Variants in SLC25A3 observed in about 807,000 individuals in gnomAD.
SLC25A3 encodes the protein solute carrier family 25 member 3.
A neutral mutation model predicts 37.1 loss-of-function variants in SLC25A3; 14 were observed. The ratio of observed to expected loss-of-function variants is 0.38; its 90% confidence interval spans 0.25 to 0.59. SLC25A3 has a LOEUF of 0.59. Ranked by LOEUF, SLC25A3 falls within the 20% of genes least tolerant of loss-of-function variation. The pLI, the probability that SLC25A3 is intolerant of heterozygous loss-of-function variation, is 0.67. For missense variants in SLC25A3, 385 were observed against 458.1 expected, an observed-to-expected ratio of 0.84 and a Z score of 1.46; for synonymous variants, 161 against 168.7, an observed-to-expected ratio of 0.95 and a Z score of 0.36.
chr12:98,596,073 T>C (rs2097592771), intron 3 of SLC25A3, among the ~76,000 whole-genome samples: 2 of 152,230 alleles, frequency 1.3e-5, no homozygotes, highest in African/African-American at 4.8e-5. Flanking sequence ...TGTAAATGGC[T>C]CTTTGCTGCT....
Position 98,602,823 on chromosome 12 carries a change from G to A in SLC25A3, c.*1295G>A, listed in dbSNP as rs1323253260. 6.6e-6 allele frequency: 1 copy of A among 152,216 alleles called. No individual in the cohort carries two copies. Among genetic ancestry groups the A allele is most frequent in the Non-Finnish European group, 1.5e-5 (1 of 68,044 alleles). The allele number at this position is 152,216 out of a possible 1,614,324, so 9.4% of individuals were successfully genotyped here. A position where few individuals can be genotyped will look rare whatever the true frequency, so the allele number is the denominator to read the frequency against. ...ACGTGGGTTGGTTAACAGTCCCTAC[G>A]TAAAGCGTACAGATGGCCTGGAGAG... On this transcript the variant is annotated 3_prime_UTR_variant, in exon 8 of 8. Transcript: ENST00000552981.
At position 98,597,957 on chromosome 12, in the gene SLC25A3, T is replaced by C; in HGVS notation, c.381T>C (p.Leu127=). The change falls in exon 4 of 8, where the codon CTT becomes CTC. Residue 127 remains leucine, a synonymous_variant. Coordinates refer to ENST00000552981, the MANE Select transcript of SLC25A3 (RefSeq NM_002635.4). ...CTAAAGGATGGGCTCCGACTTTCCT[T>C]GGCTACTCCATGCAGGGACTCTGCA... ...GLAKGWAPTF[L]GYSMQGLCKF... is the part of the protein sequence containing the mutation. 1 of 1,614,204 alleles carries C rather than the reference T, an allele frequency of 6.2e-7. No individual in the cohort carries two copies. The highest frequency in any genetic ancestry group is 1.1e-5 in the South Asian group (1 of 91,090).
In SLC25A3 at chr12:98,601,348, G is replaced by A; in HGVS notation, c.926-20G>A. 2 of 1,613,852 alleles carry A rather than the reference G, an allele frequency of 1.2e-6. No homozygotes were observed. Among genetic ancestry groups the A allele is most frequent in the Non-Finnish European group, 1.7e-6 (2 of 1,179,944 alleles). On this transcript the variant is annotated intron_variant, in intron 7 of 7. Transcript: ENST00000552981. ...TGGATATGTTGCATTTTTTTCATTT[G>A]CTTTTCCTGTTTGAACCAGGTGTAT... is the stretch of plus-strand genomic sequence containing the variant.
Position 98,601,312 on chromosome 12 carries a change from A to G in SLC25A3, c.925+31A>G, listed in dbSNP as rs7297118. The G allele has an allele frequency of 6.2e-6, 10 of 1,614,156 alleles. No homozygotes were observed. The African/African-American group carries it at 1.1e-4, about 17-fold the overall frequency. Reference sequence around the variant, plus strand: ...ATGATGTTTTTTTCTTGAAAGAAAGAACAACAGTTTTGGATATGTTGCATT... The same window carrying G: ...ATGATGTTTTTTTCTTGAAAGAAAGGACAACAGTTTTGGATATGTTGCATT... On this transcript the variant is annotated intron_variant, in intron 7 of 7. Transcript: ENST00000552981.
intron 6 of SLC25A3, 80 bp from the exon 7 acceptor site, chr12:98,601,091 T>C: frequency 6.7e-7 from 1 of 1,488,018 alleles, no homozygotes; most frequent in South Asian, 1.2e-5. Context: ...AATATTATTT[T>C]AAAATCATAA....
intron 2 of SLC25A3, 91 bp from the exon 3 acceptor site, chr12:98,595,636 T>C (rs1157312034): frequency 4.3e-6 from 7 of 1,612,916 alleles, no homozygotes; most frequent in Non-Finnish European, 5.9e-6. Context: ...TCTAACAAGC[T>C]GTGTGGAAAC....
At chr12:98,594,845 T>C (rs1264486887) in intron 2 of SLC25A3, 1 of 179,590 alleles carries the variant, frequency 5.6e-6, no homozygotes, top group Non-Finnish European at 1.2e-5. Flanking sequence ...CTTGTGCCTG[T>C]AAAATCGAAA....
intron 6 of SLC25A3, 41 bp downstream of exon 6, chr12:98,600,168 A>G (rs747976287): frequency 1.5e-6 from 2 of 1,292,880 alleles, no homozygotes; most frequent in South Asian, 2.4e-5. Flanking sequence ...AATTATGAAC[A>G]AATAATCATT....
chr12:98,594,003 G>A lies in SLC25A3; in HGVS notation c.25G>A (p.Ala9Thr), dbSNP rs1438711832. ...GATGTTCTCGTCCGTGGCGCACCTG[G>A]CGCGGGCGAACCCCTTCAACACGCC... MFSSVAHLARANPFNTPHL... is the reference protein window; with the variant it reads MFSSVAHLTRANPFNTPHL... Residue 9 changes from alanine (A) to threonine (T), a missense_variant, in exon 2 of 8, where the codon GCG becomes ACG. Ala to Thr is a moderately conservative substitution (Grantham distance 58). Transcript: ENST00000552981. The A allele has an allele frequency of 1.2e-6, 2 of 1,613,778 alleles. No individual in the cohort carries two copies. Among genetic ancestry groups the A allele is most frequent in the Admixed American group, 3.3e-5 (2 of 60,010 alleles).
At chr12:98,594,896 T>C in intron 2 of SLC25A3, 1 of 183,556 alleles carries the variant, frequency 5.4e-6, no homozygotes, top group Non-Finnish European at 1.2e-5. Flanking sequence ...CTGTTGTCTT[T>C]AGTATGGATA....
intron 5 of SLC25A3, 28 bp downstream of exon 5, chr12:98,598,731 A>G: frequency 6.4e-7 from 1 of 1,565,920 alleles, no homozygotes; most frequent in Non-Finnish European, 8.8e-7. Flanking sequence ...AATTTATACT[A>G]TGAAAGTACT....
rs1308171464 is a variant in SLC25A3 at position 98,602,741 on chromosome 12, A to C, written c.*1213A>C. ...GAAAAAAAACGAAAAACCTAGTGTA[A>C]TATATAACATGCTGTTTTTCAAACA... On this transcript the variant is annotated 3_prime_UTR_variant, in exon 8 of 8. Coordinates refer to ENST00000552981, the MANE Select transcript of SLC25A3 (RefSeq NM_002635.4). 6.6e-6 allele frequency: 1 copy of C among 152,230 alleles called. No individual in the cohort carries two copies. The highest frequency in any genetic ancestry group is 1.5e-5 in the Non-Finnish European group (1 of 68,038). The allele number at this position is 152,230 out of a possible 1,614,324, so 9.4% of individuals were successfully genotyped here. A position where few individuals can be genotyped will look rare whatever the true frequency, so the allele number is the denominator to read the frequency against.
At chr12:98,593,797 C>T (rs2097590465) in intron 1 of SLC25A3, 57 bp downstream of exon 1, 5 of 665,706 alleles carry the variant, frequency 7.5e-6, no homozygotes, top group African/African-American at 1.8e-5. Flanking sequence ...CCCAGAGCTC[C>T]TGTGGGGCCG....
At chr12:98,593,939 T>C in intron 1 of SLC25A3, 36 bp from the exon 2 acceptor site, 1 of 1,613,372 alleles carries the variant, frequency 6.2e-7, no homozygotes, top group Non-Finnish European at 8.5e-7. Flanking sequence ...ACCGGCGCCT[T>C]GCCTGTCCTC....
chr12:98,599,987 G>C lies in SLC25A3; in HGVS notation c.674G>C (p.Arg225Thr). ...AAGGGGGTTGCTCCTCTCTGGATGA[G>C]ACAGATACCATACACCATGATGAAG... ...FYKGVAPLWM[R>T]QIPYTMMKFA... Residue 225 changes from arginine (R) to threonine (T), a missense_variant, in exon 6 of 8, where the codon AGA (arginine) becomes ACA (threonine). By Grantham distance (71) the Arg-to-Thr change is moderately conservative. Coordinates refer to ENST00000552981, the MANE Select transcript of SLC25A3 (RefSeq NM_002635.4). The C allele has an allele frequency of 6.2e-7, 1 of 1,613,966 alleles. No homozygotes were observed. The highest frequency in any genetic ancestry group is 8.5e-7 in the Non-Finnish European group (1 of 1,179,820).
At position 98,600,002 on chromosome 12, in the gene SLC25A3, C is replaced by A; in HGVS notation, c.689C>A (p.Thr230Asn). 1 of 1,613,808 alleles carries A rather than the reference C, an allele frequency of 6.2e-7. No individual in the cohort carries two copies. Among genetic ancestry groups the A allele is most frequent in the Non-Finnish European group, 8.5e-7 (1 of 1,179,686 alleles). Residue 230 changes from threonine (T) to asparagine (N), a missense_variant, in exon 6 of 8, where the codon ACC (threonine) becomes AAC (asparagine). Physicochemically the swap from Thr to Asn is moderately conservative, Grantham distance 65. Around this residue, in one of 2 missense-constraint regions of SLC25A3, gnomAD observed 276 missense variants for 367.6 expected, o/e 0.75. Transcript: ENST00000552981. Reference protein sequence around the residue: ...APLWMRQIPYTMMKFACFERT... With the variant: ...APLWMRQIPYNMMKFACFERT... ...CTCTGGATGAGACAGATACCATACACCATGATGAAGTTCGCCTGCTTTGAA... is the reference window on the plus strand; with the variant it reads ...CTCTGGATGAGACAGATACCATACAACATGATGAAGTTCGCCTGCTTTGAA...
intron 1 of SLC25A3, 60 bp from the exon 2 acceptor site, chr12:98,593,915 C>T (rs2097590584): frequency 1.9e-6 from 3 of 1,603,334 alleles, no homozygotes; most frequent in African/African-American, 2.7e-5. Context: ...GGTTCCAGGG[C>T]GCCGGTAACG....
intron 2 of SLC25A3, chr12:98,594,766 C>T (rs2097591530): frequency 4.1e-6 from 1 of 243,272 alleles, no homozygotes; most frequent in East Asian, 1.1e-4. Context: ...TGTTTTAAAT[C>T]CTAGTGAAGT....
In SLC25A3 at chr12:98,600,142, GA is replaced by G; in HGVS notation, c.814+17del. 6.9e-7 allele frequency: 1 copy of G among 1,452,530 alleles called. No homozygotes were observed. Among genetic ancestry groups the G allele is most frequent in the Non-Finnish European group, 9.7e-7 (1 of 1,032,312 alleles). The allele number at this position is 1,452,530 out of a possible 1,614,324, so 90.0% of individuals were successfully genotyped here. ...AGGTTACATAGGTACGAATTACTTA[GA>G]ACACACTTGTCTGAAATTATGAACA... On this transcript the variant is annotated intron_variant, in intron 6 of 7. Transcript: ENST00000552981.
Sources: gnomAD v4.1 joint callset for allele counts (sites outside exome capture counted in the v4.1 genomes callset) on GRCh38, gnomAD v4.1.1 for gene constraint, gnomAD v4.1.1 regional missense constraint, MANE v1.5 for transcripts, NCBI Gene and HGNC (gene_info 2026-07-23, HGNC 2026-07-21) for gene names.